CEP112: variants seen among roughly 807,000 people sequenced by gnomAD.
The protein encoded by CEP112 is centrosomal protein 112.
Under a neutral mutation model 153.0 loss-of-function variants are expected in CEP112, and 127 were observed. The ratio of observed to expected loss-of-function variants is 0.83; its 90% CI spans 0.72 to 0.96. The LOEUF (loss-of-function observed/expected upper bound fraction) is 0.96, where lower values mean the gene tolerates loss of function less well. Among genes scored for constraint, CEP112 ranks in the 40% least tolerant of loss-of-function variants. The pLI, the probability that CEP112 is intolerant of heterozygous loss-of-function variation, is 0.00. For synonymous variants in CEP112, 358 were observed against 374.4 expected, an observed-to-expected ratio of 0.96 and a Z score of 0.51; for missense variants, 1,089 against 1,101.2, an observed-to-expected ratio of 0.99 and a Z score of 0.16.
intron 21 of CEP112, among the ~76,000 whole-genome samples, chr17:65,816,962 T>C (rs1300888112): frequency 6.6e-6 from 1 of 152,018 alleles, no homozygotes; most frequent in Non-Finnish European, 1.5e-5. Context: ...CATAAAAACA[T>C]TGTGGAGGCA....
intron 8 of CEP112, among the ~76,000 whole-genome samples, chr17:66,085,099 G>C (rs965935742): frequency 6.6e-6 from 1 of 152,064 alleles, no homozygotes; most frequent in African/African-American, 2.4e-5. Context: ...CAAATTGCTC[G>C]AGTGTTAATA....
At chr17:65,648,683 C>T (rs935381845) in intron 24 of CEP112, among the ~76,000 whole-genome samples, 1 of 152,126 alleles carries the variant, frequency 6.6e-6, no homozygotes, top group Non-Finnish European at 1.5e-5. Flanking sequence ...AAAAAAGGAG[C>T]CTTGAAAATC....
intron 21 of CEP112, among the ~76,000 whole-genome samples, chr17:65,803,216 C>G (rs2055385111): frequency 6.6e-6 from 1 of 152,226 alleles, no homozygotes; most frequent in South Asian, 2.1e-4. Flanking sequence ...GTTCCAGTTA[C>G]TGTCTGACTG....
intron 20 of CEP112, among the ~76,000 whole-genome samples, chr17:65,874,191 T>C (rs1259553912): frequency 6.6e-6 from 1 of 152,160 alleles, no homozygotes; most frequent in Non-Finnish European, 1.5e-5. Context: ...AAGATGGGAT[T>C]AAGGTATCTG....
intron 8 of CEP112, among the ~76,000 whole-genome samples, chr17:66,085,979 C>CAAAAAAAAAAA (rs373315539): frequency 9.1e-6 from 1 of 110,140 alleles, no homozygotes; most frequent in Non-Finnish European, 1.7e-5. Flanking sequence ...GACTCCGTCT[C>CAAAAAAAAAAA]AAAAAAAAAA....
At chr17:65,840,159 C>G (rs1312234337) in intron 21 of CEP112, among the ~76,000 whole-genome samples, 1 of 152,018 alleles carries the variant, frequency 6.6e-6, no homozygotes, top group Admixed American at 6.6e-5. Flanking sequence ...ATATAAAAAA[C>G]AATTCTAAAA....
chr17:66,184,282 T>A (rs953477556), intron 1 of CEP112, among the ~76,000 whole-genome samples: 1 of 151,780 alleles, frequency 6.6e-6, no homozygotes, highest in East Asian at 1.9e-4. Flanking sequence ...AAAGCTGACA[T>A]ATTGAACTTC....
At chr17:65,819,685 CT>C (rs2056435252) in intron 21 of CEP112, among the ~76,000 whole-genome samples, 1 of 152,040 alleles carries the variant, frequency 6.6e-6, no homozygotes, top group Non-Finnish European at 1.5e-5. Flanking sequence ...AATATCACTT[CT>C]GCATTATTCT....
At chr17:65,999,563 A>AC (rs1555756782) in intron 17 of CEP112, among the ~76,000 whole-genome samples, 4 of 147,622 alleles carry the variant, frequency 2.7e-5, no homozygotes, top group Non-Finnish European at 6.0e-5. Flanking sequence ...TCCTGAAAGC[A>AC]TTTTTTTTTT....
At chr17:66,001,711 AAC>A (rs1365864950) in intron 17 of CEP112, among the ~76,000 whole-genome samples, 6 of 152,216 alleles carry the variant, frequency 3.9e-5, no homozygotes, top group Admixed American at 3.3e-4. Flanking sequence ...TAAATTTGAT[AAC>A]ACAAGAATAT....
At position 66,132,168 on chromosome 17, in the gene CEP112, C is replaced by CAAAAAAAAAAAAAAAA. The variant is rs56221578; in HGVS notation, c.564+486_564+501dup. On this transcript the variant is annotated intron_variant, in intron 5 of 26. Coordinates refer to ENST00000535342, the MANE Select transcript of CEP112 (RefSeq NM_001199165.4). ...CCTGGGCAACAGTGAGACTCCATCTCAAAAAAAAAAAAAAAAAAAAAAAAA... is the reference window on the plus strand; with the variant it reads ...CCTGGGCAACAGTGAGACTCCATCTCAAAAAAAAAAAAAAAAAAAAAAAAAAAAAAAAAAAAAAAAA... Among the ~76,000 whole-genome samples, 13 of 39,884 alleles carry CAAAAAAAAAAAAAAAA rather than the reference C, an allele frequency of 3.3e-4. 3 individuals are homozygous for CAAAAAAAAAAAAAAAA. The highest frequency in any genetic ancestry group is 8.4e-4 in the African/African-American group (6 of 7,134). The allele number at this position is 39,884 out of a possible 152,430, so 26.2% of individuals were successfully genotyped here. A position where few individuals can be genotyped will look rare whatever the true frequency, so the allele number is the denominator to read the frequency against.
At chr17:65,846,245 C>T (rs2057720373) in intron 21 of CEP112, among the ~76,000 whole-genome samples, 1 of 152,160 alleles carries the variant, frequency 6.6e-6, no homozygotes, top group Admixed American at 6.6e-5. Flanking sequence ...AATGACATAA[C>T]AGACTCACAA....
intron 20 of CEP112, among the ~76,000 whole-genome samples, chr17:65,862,111 C>A (rs1015652933): frequency 1.3e-5 from 2 of 152,044 alleles, no homozygotes; most frequent in African/African-American, 4.8e-5. Context: ...ACCATTTTTA[C>A]AAAGTTCAAA....
chr17:65,713,380 T>G (rs1443965195), intron 23 of CEP112, among the ~76,000 whole-genome samples: 1 of 152,192 alleles, frequency 6.6e-6, no homozygotes, highest in African/African-American at 2.4e-5. Context: ...TAATAAAATC[T>G]AAATATAGCT....
In CEP112 at chr17:65,857,702, AT is replaced by A. The variant is rs575350402; in HGVS notation, c.2164-5669del. On this transcript the variant is annotated intron_variant, in intron 20 of 26. Coordinates refer to ENST00000535342, the MANE Select transcript of CEP112 (RefSeq NM_001199165.4). The stretch of plus-strand genomic sequence containing the variant: ...GATTTTTGAGAGACTGACCTGAGGG[AT>A]TTTTTTTTTTGGACTCTCCTTGGCA... 7.4e-3 allele frequency among the ~76,000 whole-genome samples: 1,090 copies of A among 148,058 alleles called. 8 individuals are homozygous for A. The highest frequency in any genetic ancestry group is 0.038 in the South Asian group (178 of 4,698).
At chr17:65,953,088 T>C (rs1204164740) in intron 18 of CEP112, among the ~76,000 whole-genome samples, 2 of 152,302 alleles carry the variant, frequency 1.3e-5, no homozygotes, top group Non-Finnish European at 2.9e-5. Flanking sequence ...TTTAATGATG[T>C]CTTTCAAAGA....
intron 17 of CEP112, among the ~76,000 whole-genome samples, chr17:65,963,738 T>A (rs986899542): frequency 2.0e-5 from 3 of 152,000 alleles, no homozygotes; most frequent in African/African-American, 7.3e-5. Context: ...TCCCCACCCC[T>A]GTATTTGGGA....
At chr17:66,096,160 C>T (rs2068336750) in intron 8 of CEP112, 91 bp downstream of exon 8, 1 of 836,822 alleles carries the variant, frequency 1.2e-6, no homozygotes, top group Non-Finnish European at 1.9e-6. Flanking sequence ...CTAGAATATA[C>T]CATTATTTTA....
intron 21 of CEP112, among the ~76,000 whole-genome samples, chr17:65,808,137 G>T (rs2055722795): frequency 6.6e-6 from 1 of 152,246 alleles, no homozygotes; most frequent in South Asian, 2.1e-4. Context: ...ATTCAAAGGA[G>T]ATTATTTTGG....
Sources: gnomAD v4.1 joint callset for allele counts (sites outside exome capture counted in the v4.1 genomes callset) on GRCh38, gnomAD v4.1.1 for gene constraint, MANE v1.5 for transcripts, NCBI Gene and HGNC (gene_info 2026-07-23, HGNC 2026-07-21) for gene names.